Variants in SEMA5B observed in about 807,000 individuals in gnomAD.
SEMA5B encodes the protein semaphorin-5B.
In SEMA5B, 66 loss-of-function variants were observed where a neutral mutation model predicts 135.0. The observed-to-expected ratio is 0.49, with a 90% CI of 0.40 to 0.60. The LOEUF is 0.60. SEMA5B is among the 20% of genes least tolerant of loss of function. SEMA5B has a pLI of 0.00. For synonymous variants in SEMA5B, 690 were observed against 639.5 expected (o/e 1.08, Z -1.19); for missense variants, 1,501 against 1,566.3 (o/e 0.96, Z 0.70).
In SEMA5B at chr3:122,923,098, G is replaced by A. The variant is rs75555457; in HGVS notation, c.1272+519C>T. Among the ~76,000 whole-genome samples the A allele has an allele frequency of 3.8e-3, 586 of 152,250 alleles. 4 individuals are homozygous for A. The highest frequency in any genetic ancestry group is 0.014 in the African/African-American group (569 of 41,546). Reference sequence around the variant, plus strand: ...CCACCCCCTGGGTGGGAAGCTGGGCGAACACGAAAGTCAACCATCAGCAGC... The same window carrying A: ...CCACCCCCTGGGTGGGAAGCTGGGCAAACACGAAAGTCAACCATCAGCAGC... On this transcript the variant is annotated intron_variant, in intron 10 of 22. Coordinates refer to ENST00000357599, the MANE Select transcript of SEMA5B (RefSeq NM_001031702.4).
intron 3 of SEMA5B, among the ~76,000 whole-genome samples, chr3:122,945,005 C>CAG (rs111801095): frequency 1.3e-3 from 197 of 150,312 alleles, no homozygotes; most frequent in South Asian, 9.9e-3. Flanking sequence ...GAGAGAGAGG[C>CAG]AGAGAGAGAG....
chr3:122,928,586 C>T lies in SEMA5B; in HGVS notation c.567G>A (p.Leu189=). ...EEECQNYVRV[L]IVAGRKVFMC... ...TGAACACCTTCCGGCCGGCGACGATCAGGACTCGCACGTAGTTCTGACACT... is the reference window on the plus strand; with the variant it reads ...TGAACACCTTCCGGCCGGCGACGATTAGGACTCGCACGTAGTTCTGACACT... Residue 189 remains leucine (L), a synonymous_variant, in exon 7 of 23, where the codon CTG becomes CTA. Transcript: ENST00000357599. 6.4e-7 allele frequency: 1 copy of T among 1,561,216 alleles called. No homozygotes were observed. Among genetic ancestry groups the T allele is most frequent in the Non-Finnish European group, 8.7e-7 (1 of 1,151,962 alleles).
At chr3:122,926,759 G>A (rs79543585) in intron 8 of SEMA5B, 82 bp from the exon 9 acceptor site, 204,812 of 1,500,288 alleles carry the variant, frequency 0.14, 14,654 homozygotes, top group Middle Eastern at 0.2. Context: ...CAACTACTTC[G>A]GTTTTCCCAG....
At chr3:122,915,145 T>C (rs1034485346) in intron 14 of SEMA5B, among the ~76,000 whole-genome samples, 1 of 152,196 alleles carries the variant, frequency 6.6e-6, no homozygotes, top group African/African-American at 2.4e-5. Context: ...TTCCTCATGT[T>C]TGGGATGAGA....
rs573790546 is a variant in SEMA5B, at chr3:122,968,983, A to G, written c.-38-7682T>C. 1.7e-4 allele frequency among the ~76,000 whole-genome samples: 26 copies of G among 152,340 alleles called. No individual in the cohort carries two copies. In the South Asian group the frequency reaches 5.0e-3, roughly 29 times the overall value. On this transcript the variant is annotated intron_variant, in intron 1 of 22. Coordinates refer to ENST00000357599, the MANE Select transcript of SEMA5B (RefSeq NM_001031702.4). ...TCACCAATGATCCCCAACTTGTGAAATCCCAGATACCAGGACTTCTGGTGA... is the reference window on the plus strand; with the variant it reads ...TCACCAATGATCCCCAACTTGTGAAGTCCCAGATACCAGGACTTCTGGTGA...
intron 1 of SEMA5B, among the ~76,000 whole-genome samples, chr3:122,966,535 GTTT>G (rs1940828495): frequency 9.5e-6 from 1 of 105,216 alleles, no homozygotes; most frequent in Non-Finnish European, 1.9e-5. Flanking sequence ...TTGTAAGAAT[GTTT>G]ATTATTATTA....
chr3:122,947,140 C>A (rs1250019167), intron 3 of SEMA5B, among the ~76,000 whole-genome samples: 1 of 152,090 alleles, frequency 6.6e-6, no homozygotes, highest in African/African-American at 2.4e-5. Flanking sequence ...AGGAGGCTAG[C>A]CCTAAGAATC....
At chr3:123,010,191 T>C (rs537228454) in intron 1 of SEMA5B, among the ~76,000 whole-genome samples, 1 of 152,244 alleles carries the variant, frequency 6.6e-6, no homozygotes, top group Non-Finnish European at 1.5e-5. Flanking sequence ...CACCCCATAA[T>C]ACCCCAGCAT....
intron 1 of SEMA5B, among the ~76,000 whole-genome samples, chr3:122,979,804 A>T (rs1941460343): frequency 1.3e-5 from 2 of 152,236 alleles, no homozygotes; most frequent in Non-Finnish European, 2.9e-5. Flanking sequence ...TGGCCAAACC[A>T]GCATACAGGC....
At chr3:123,026,865 C>A (rs772678228) in intron 1 of SEMA5B, among the ~76,000 whole-genome samples, 3 of 152,254 alleles carry the variant, frequency 2.0e-5, no homozygotes, top group African/African-American at 4.8e-5. Flanking sequence ...GCCCCTGGAG[C>A]CTGGTGGGCA....
At position 122,961,231 on chromosome 3, in the gene SEMA5B, G is replaced by A. The variant is rs1277036642; in HGVS notation, c.33C>T (p.Ala11=). MPCGFSPSPV[A]HHLVPGPPDT... ...CAGGCGGCCCAGGGACGAGGTGGTG[G>A]GCAACAGGAGACGGACTGAAGCCAC... The change falls in exon 2 of 23, where the codon GCC becomes GCT. Residue 11 remains alanine (A), a synonymous_variant. Transcript: ENST00000357599. 1 of 1,613,950 alleles carries A rather than the reference G, an allele frequency of 6.2e-7. No individual in the cohort carries two copies. The highest frequency in any genetic ancestry group is 8.5e-7 in the Non-Finnish European group (1 of 1,179,994).
chr3:122,952,523 C>T (rs1940103088), intron 2 of SEMA5B, among the ~76,000 whole-genome samples: 1 of 152,218 alleles, frequency 6.6e-6, no homozygotes, highest in Admixed American at 6.5e-5. Context: ...ACAACTTCTT[C>T]AGCAGTTGTG....
At chr3:123,022,763 G>T (rs147958122) in intron 1 of SEMA5B, among the ~76,000 whole-genome samples, 2,463 of 152,320 alleles carry the variant, frequency 0.016, 22 homozygotes, top group Non-Finnish European at 0.026. Context: ...ATTCTGCAAG[G>T]TTTGGGTTTC....
intron 10 of SEMA5B, 23 bp downstream of exon 10, chr3:122,923,594 G>C (rs759401285): frequency 3.7e-6 from 6 of 1,613,688 alleles, no homozygotes; most frequent in Non-Finnish European, 3.4e-6. Flanking sequence ...GTGAAGACAG[G>C]GAAAGAGGAG....
intron 2 of SEMA5B, 61 bp from the exon 3 acceptor site, chr3:122,948,770 T>C: frequency 7.3e-7 from 1 of 1,365,036 alleles, no homozygotes; most frequent in Non-Finnish European, 1.0e-6. Flanking sequence ...CTTCCCTCAA[T>C]TTCCTTGTGG....
chr3:123,016,992 C>T (rs1454755059), intron 1 of SEMA5B, among the ~76,000 whole-genome samples: 3 of 150,192 alleles, frequency 2.0e-5, no homozygotes, highest in South Asian at 2.1e-4. Flanking sequence ...CCCAGGTTCA[C>T]GCCATTCTCC....
At chr3:123,000,441 G>A (rs1942140313) in intron 1 of SEMA5B, among the ~76,000 whole-genome samples, 1 of 152,138 alleles carries the variant, frequency 6.6e-6, no homozygotes, top group South Asian at 2.1e-4. Context: ...GGTGGCCTTG[G>A]AGGTCAGGCA....
chr3:122,967,392 T>C (rs1003071185), intron 1 of SEMA5B, among the ~76,000 whole-genome samples: 1 of 152,172 alleles, frequency 6.6e-6, no homozygotes, highest in African/African-American at 2.4e-5. Flanking sequence ...TGGCATTTCC[T>C]AGGAGAGAAA....
intron 18 of SEMA5B, 123 bp from the exon 19 acceptor site, chr3:122,912,465 C>T (rs1023617627): frequency 2.3e-6 from 2 of 886,340 alleles, no homozygotes; most frequent in Admixed American, 3.2e-5. Context: ...CCACCCGATC[C>T]ACCCGCCACC....
Sources: gnomAD v4.1 joint callset for allele counts (sites outside exome capture counted in the v4.1 genomes callset) on GRCh38, gnomAD v4.1.1 for gene constraint, MANE v1.5 for transcripts, NCBI Gene and HGNC (gene_info 2026-07-23, HGNC 2026-07-21) for gene names.